FLNB: variants seen among roughly 807,000 people sequenced by gnomAD.
FLNB encodes the protein filamin B, also known as filamin-B.
FLNB carries 111 observed loss-of-function variants against 250.6 expected under a neutral mutation model. That is an observed-to-expected ratio of 0.44 (90% CI 0.38 to 0.52). The LOEUF (loss-of-function observed/expected upper bound fraction) is 0.52, where lower values mean the gene tolerates loss of function less well. Ranked by LOEUF, FLNB falls within the 20% of genes least tolerant of loss-of-function variation. The pLI, the probability that FLNB is intolerant of heterozygous loss-of-function variation, is 0.00. For missense variants in FLNB, 2,869 were observed against 3,447.8 expected, an observed-to-expected ratio of 0.83 and a Z score of 4.20; for synonymous variants, 1,302 against 1,372.1, an observed-to-expected ratio of 0.95 and a Z score of 1.13.
rs578079646 is a variant in FLNB, at chr3:58,092,352, T to C, written c.788-2484T>C. Among the ~76,000 whole-genome samples the C allele has an allele frequency of 2.0e-5, 3 of 152,284 alleles. No homozygotes were observed. In the East Asian group the frequency reaches 5.8e-4, roughly 29 times the overall value. ...GGAACACTGTTTGGTAGTTTCTTAA[T>C]AAAGAAATAGGCTGGGCACAGTGAC... On this transcript the variant is annotated intron_variant, in intron 4 of 45. Coordinates refer to ENST00000295956, the MANE Select transcript of FLNB (RefSeq NM_001457.4).
intron 1 of FLNB, among the ~76,000 whole-genome samples, chr3:58,017,903 C>T (rs895320895): frequency 2.0e-5 from 3 of 152,144 alleles, no homozygotes; most frequent in African/African-American, 7.2e-5. Flanking sequence ...GTGACAGAGC[C>T]GCTGACTCTC....
intron 22 of FLNB, 109 bp downstream of exon 22, chr3:58,124,614 G>A: frequency 8.5e-7 from 1 of 1,171,242 alleles, no homozygotes; most frequent in African/African-American, 1.5e-5. Flanking sequence ...TGTCTCAGCA[G>A]GGCCACGTGC....
intron 2 of FLNB, 155 bp from the exon 3 acceptor site, chr3:58,078,562 A>T: frequency 6.5e-7 from 1 of 1,532,638 alleles, no homozygotes; most frequent in South Asian, 1.2e-5. Context: ...CATACCTGTG[A>T]TACTTTTTGC....
Position 58,008,483 on chromosome 3 carries a change from G to C in FLNB, c.-82G>C. ...TCGAACCCCGCTCCCGCTCCGCTTC[G>C]GTTCTCGCTCCTTCGGCCCTTGGGC... On this transcript the variant is annotated 5_prime_UTR_variant, in exon 1 of 46. Coordinates refer to ENST00000295956, the MANE Select transcript of FLNB (RefSeq NM_001457.4). The C allele has an allele frequency of 6.7e-7, 1 of 1,484,590 alleles. No individual in the cohort carries two copies. The highest frequency in any genetic ancestry group is 9.2e-7 in the Non-Finnish European group (1 of 1,088,658). 92.0% of individuals were successfully genotyped at this position (1,484,590 alleles called of 1,614,324 possible). A position where few individuals can be genotyped will look rare whatever the true frequency, so the allele number is the denominator to read the frequency against.
chr3:58,141,996 C>T (rs1251945300), intron 30 of FLNB, 67 bp downstream of exon 30: 1 of 1,385,288 alleles, frequency 7.2e-7, no homozygotes, highest in Non-Finnish European at 1.0e-6. Flanking sequence ...GAAAATCTGC[C>T]ATCTGCTTCT....
At chr3:58,076,711 C>T (rs1036852299) in intron 1 of FLNB, among the ~76,000 whole-genome samples, 7 of 151,790 alleles carry the variant, frequency 4.6e-5, no homozygotes, top group African/African-American at 1.7e-4. Flanking sequence ...CCTCCTGCCT[C>T]GGCCTCCCAA....
chr3:58,148,566 A>G (rs578011056), intron 35 of FLNB, 83 bp from the exon 36 acceptor site: 163 of 1,319,602 alleles, frequency 1.2e-4, no homozygotes, highest in Middle Eastern at 1.8e-4. Context: ...GAAAGAGGAC[A>G]TATTTCTATT....
chr3:58,125,709 A>G lies in FLNB; in HGVS notation c.4027A>G (p.Thr1343Ala). ...AGGACCTGGATTGAAAGAGGCCTTT[A>G]CCAACAAGCCCAATGTCTTCACCGT... ...AQGPGLKEAF[T>A]NKPNVFTVVT... Residue 1343 changes from threonine to alanine, a missense_variant, in exon 23 of 46, where the codon ACC (threonine) becomes GCC (alanine). Coordinates refer to ENST00000295956, the MANE Select transcript of FLNB (RefSeq NM_001457.4). 1.2e-6 allele frequency: 2 copies of G among 1,614,168 alleles called. No individual in the cohort carries two copies. Among genetic ancestry groups the G allele is most frequent in the Non-Finnish European group, 1.7e-6 (2 of 1,180,024 alleles).
At chr3:58,072,058 G>A (rs1304175843) in intron 1 of FLNB, among the ~76,000 whole-genome samples, 1 of 152,152 alleles carries the variant, frequency 6.6e-6, no homozygotes, top group Non-Finnish European at 1.5e-5. Context: ...CCCAGAATTT[G>A]CAGTAGCTCA....
At chr3:58,167,673 C>T (rs960004561) in intron 43 of FLNB, among the ~76,000 whole-genome samples, 2 of 152,200 alleles carry the variant, frequency 1.3e-5, no homozygotes, top group Non-Finnish European at 2.9e-5. Context: ...AAGAGATGAG[C>T]CTGGCACCAG....
At chr3:58,161,351 G>A (rs1484216880) in intron 42 of FLNB, among the ~76,000 whole-genome samples, 3 of 152,152 alleles carry the variant, frequency 2.0e-5, no homozygotes, top group African/African-American at 7.2e-5. Flanking sequence ...GGGCCTTAAA[G>A]GGTTTAATAT....
chr3:58,169,706 G>T lies in FLNB; in HGVS notation c.7534G>T (p.Ala2512Ser), dbSNP rs142878980. 3.1e-6 allele frequency: 5 copies of T among 1,613,964 alleles called. No homozygotes were observed. Among genetic ancestry groups the T allele is most frequent in the South Asian group, 2.2e-5 (2 of 91,082 alleles). Residue 2512 changes from alanine to serine, a missense_variant, in exon 45 of 46, where the codon GCC (alanine) becomes TCC (serine). Ala to Ser is a moderately conservative substitution (Grantham distance 99, BLOSUM62 1). Around this residue, in one of 5 missense-constraint regions of FLNB, gnomAD observed 1,084 missense variants for 1,315.5 expected, o/e 0.82. Coordinates refer to ENST00000295956, the MANE Select transcript of FLNB (RefSeq NM_001457.4). The surrounding 1 kb of genome is among the most constrained non-coding windows in gnomAD (Gnocchi z 4.8). ...CGCCATTCCCAAGGCATCCTCGGAC[G>T]CCAGCAAGGTGACCTCTAAGGGGGC... ...YSAIPKASSD[A>S]SKVTSKGAGL...
chr3:58,047,603 T>G lies in FLNB; in HGVS notation c.293-29443T>G, dbSNP rs553782969. 3.9e-5 allele frequency among the ~76,000 whole-genome samples: 6 copies of G among 152,152 alleles called. 1 individual carries two copies. The South Asian group carries it at 1.2e-3, about 32-fold the overall frequency. ...TTTAATTTATTTTTGAGACAGAGTC[T>G]GGCTCTGTCGCCCAGGCTGTAGTGC... On this transcript the variant is annotated intron_variant, in intron 1 of 45. Transcript: ENST00000295956.
intron 4 of FLNB, among the ~76,000 whole-genome samples, chr3:58,084,801 C>G (rs1168484160): frequency 6.6e-6 from 1 of 152,106 alleles, no homozygotes; most frequent in African/African-American, 2.4e-5. Flanking sequence ...CTTTATTCTA[C>G]TCCCTGTCTC....
rs369852921 is a variant in FLNB, at chr3:58,136,159, C to G, written c.4852C>G (p.Leu1618Val). 1.2e-6 allele frequency: 2 copies of G among 1,614,196 alleles called. No homozygotes were observed. The change falls in exon 28 of 46, where the codon CTG (leucine) becomes GTG (valine). Residue 1618 changes from leucine (L) to valine (V), a missense_variant. By Grantham distance (32) the Leu-to-Val change is conservative. Coordinates refer to ENST00000295956, the MANE Select transcript of FLNB (RefSeq NM_001457.4). ...ATQTGDASKCLATGPGIASTV... is the reference protein window; with the variant it reads ...ATQTGDASKCVATGPGIASTV... ...ACAGACGGGTGATGCCAGCAAGTGC[C>G]TGGCCACGGGTGAGTACAGGGCATC... is the stretch of plus-strand genomic sequence containing the variant.
rs971227640 is a variant in FLNB, at chr3:58,164,585, G to A, written c.7198+1255G>A. ...CCTGTGTGGCCAAGGGGCCCTCTCC[G>A]GGTGCAGGAGTGACTGGTGGGCTGG... On this transcript the variant is annotated intron_variant, in intron 43 of 45. Transcript: ENST00000295956. This position sits in a 1 kb window ranked among gnomAD's most constrained non-coding sequence, Gnocchi z 4.0. 6.6e-6 allele frequency: 1 copy of A among 152,222 alleles called. No individual in the cohort carries two copies. The highest frequency in any genetic ancestry group is 1.5e-5 in the Non-Finnish European group (1 of 68,106). 9.4% of individuals were successfully genotyped at this position (152,222 alleles called of 1,614,324 possible).
intron 1 of FLNB, among the ~76,000 whole-genome samples, chr3:58,011,186 A>G (rs1479236727): frequency 6.6e-6 from 1 of 152,038 alleles, no homozygotes; most frequent in Non-Finnish European, 1.5e-5. Flanking sequence ...TGCGGGGGTT[A>G]CAGCCCTGAG....
At chr3:58,129,108 A>G (rs2097302253) in intron 24 of FLNB, among the ~76,000 whole-genome samples, 1 of 152,190 alleles carries the variant, frequency 6.6e-6, no homozygotes, top group African/African-American at 2.4e-5. Flanking sequence ...ATATTAGCCT[A>G]GTTTTTCCTG....
At position 58,078,833 on chromosome 3, in the gene FLNB, G is replaced by C; in HGVS notation, c.639+19G>C. On this transcript the variant is annotated intron_variant, in intron 3 of 45. Transcript: ENST00000295956. ...CCCACAGGTATGCACAAGTGTGCCAGGTCCTGTGAGGCTGCCCCCACCCAC... is the reference window on the plus strand; with the variant it reads ...CCCACAGGTATGCACAAGTGTGCCACGTCCTGTGAGGCTGCCCCCACCCAC... 3 of 1,588,306 alleles carry C rather than the reference G, an allele frequency of 1.9e-6. No individual in the cohort carries two copies. The South Asian group carries it at 3.4e-5, about 18-fold the overall frequency.
Sources: allele counts gnomAD v4.1 joint callset (sites outside exome capture counted in the v4.1 genomes callset), GRCh38; gene constraint gnomAD v4.1.1; regional missense constraint gnomAD v4.1.1; non-coding constraint Gnocchi (gnomAD v3.1); transcripts MANE v1.5; gene names NCBI Gene and HGNC (gene_info 2026-07-23, HGNC 2026-07-21).